DOP1B: variants seen among roughly 807,000 people sequenced by gnomAD.
The protein encoded by DOP1B is protein DOP1B.
Under a neutral mutation model 233.5 loss-of-function variants are expected in DOP1B, and 174 were observed. The observed-to-expected ratio is 0.75, with a 90% CI of 0.66 to 0.85. The LOEUF is 0.85. Among genes scored for constraint, DOP1B ranks in the 40% least tolerant of loss-of-function variants. The pLI is 0.00. For synonymous variants in DOP1B, 1,190 were observed against 1,185.6 expected, an observed-to-expected ratio of 1.00 and a Z score of -0.08; for missense variants, 2,652 against 2,846.6, an observed-to-expected ratio of 0.93 and a Z score of 1.56.
At chr21:36,261,842 C>A in intron 24 of DOP1B, 1 of 552,806 alleles carries the variant, frequency 1.8e-6, no homozygotes, top group Non-Finnish European at 2.3e-6. Flanking sequence ...ACCCAGGAGG[C>A]AGAGGTTGCA....
chr21:36,214,275 T>C, intron 8 of DOP1B, 85 bp downstream of exon 8: 1 of 1,319,000 alleles, frequency 7.6e-7, no homozygotes, highest in Non-Finnish European at 1.1e-6. Context: ...ACATAGGCAG[T>C]GAGCACGTTC....
intron 13 of DOP1B, among the ~76,000 whole-genome samples, chr21:36,229,176 C>T (rs928717189): frequency 6.6e-5 from 10 of 152,074 alleles, no homozygotes; most frequent in Non-Finnish European, 1.3e-4. Context: ...AGATGAGGTA[C>T]TGGATTAGTT....
intron 21 of DOP1B, 78 bp downstream of exon 21, chr21:36,248,646 T>A: frequency 7.1e-7 from 1 of 1,406,428 alleles, no homozygotes; most frequent in Non-Finnish European, 9.5e-7. Context: ...TATAGGAAAG[T>A]GTGCATGATA....
intron 36 of DOP1B, 70 bp from the exon 37 acceptor site, chr21:36,293,250 C>T: frequency 3.3e-6 from 5 of 1,527,228 alleles, no homozygotes; most frequent in Non-Finnish European, 4.4e-6. Flanking sequence ...TTGCCACATG[C>T]ATGTGCTTCC....
chr21:36,231,020 C>G lies in DOP1B; in HGVS notation c.2236C>G (p.Arg746Gly), dbSNP rs749264993. 3.4e-5 allele frequency: 55 copies of G among 1,614,118 alleles called. No homozygotes were observed. The highest frequency in any genetic ancestry group is 4.5e-5 in the Non-Finnish European group (53 of 1,180,034). Residue 746 changes from arginine to glycine, a missense_variant, in exon 14 of 37, where the codon CGC (arginine) becomes GGC (glycine). Transcript: ENST00000691173. ...VIDLGGSREE[R>G]REAFAAACHL... is the part of the protein sequence containing the mutation. ...TGACCTGGGGGGTTCCAGGGAGGAACGCAGGGAGGCCTTTGCCGCCGCCTG... is the reference window on the plus strand; with the variant it reads ...TGACCTGGGGGGTTCCAGGGAGGAAGGCAGGGAGGCCTTTGCCGCCGCCTG...
chr21:36,275,091 C>T (rs554827736), intron 27 of DOP1B, among the ~76,000 whole-genome samples: 132 of 152,008 alleles, frequency 8.7e-4, no homozygotes, highest in Non-Finnish European at 1.1e-3. Context: ...GCGATCTGCC[C>T]GCCTTGGCCT....
intron 36 of DOP1B, 97 bp from the exon 37 acceptor site, chr21:36,293,223 A>G: frequency 2.4e-6 from 3 of 1,244,398 alleles, no homozygotes; most frequent in Non-Finnish European, 3.3e-6. Context: ...AAAAAAAAGG[A>G]CCTTATTTCT....
chr21:36,214,870 A>G (rs1048150119), intron 9 of DOP1B, among the ~76,000 whole-genome samples: 7 of 152,072 alleles, frequency 4.6e-5, no homozygotes, highest in Non-Finnish European at 7.3e-5. Flanking sequence ...GAAAAACCCC[A>G]TCTCTATAAA....
At chr21:36,207,704 C>G (rs2066445588) in intron 4 of DOP1B, among the ~76,000 whole-genome samples, 1 of 152,106 alleles carries the variant, frequency 6.6e-6, no homozygotes, top group African/African-American at 2.4e-5. Flanking sequence ...CCAACACATT[C>G]CACCGGGTTG....
In DOP1B at chr21:36,157,526, T is replaced by TA. The variant is rs994042741; in HGVS notation, c.-27+584dup. 3.3e-5 allele frequency among the ~76,000 whole-genome samples: 5 copies of TA among 152,352 alleles called. No homozygotes were observed. In the East Asian group the frequency reaches 9.6e-4, roughly 29 times the overall value. On this transcript the variant is annotated intron_variant, in intron 1 of 36. Transcript: ENST00000691173. ...GTTCCCGGCTGCTCGCGGGGACTGTTACCCGCAGTGTTGCCTTACACTCGC... is the reference window on the plus strand; with the variant it reads ...GTTCCCGGCTGCTCGCGGGGACTGTTAACCCGCAGTGTTGCCTTACACTCGC...
chr21:36,248,440 C>G lies in DOP1B; in HGVS notation c.4870C>G (p.Leu1624Val). Residue 1624 changes from leucine (L) to valine (V), a missense_variant, in exon 21 of 37, where the codon CTG becomes GTG. Coordinates refer to ENST00000691173, the MANE Select transcript of DOP1B (RefSeq NM_001320714.2). The part of the protein sequence containing the change: ...RNARNAILEE[L>V]PRTVNTMALL... ...TGCCAGAAATGCCATTTTGGAAGAG[C>G]TGCCTCGAACTGTTAACACCATGGC... 6.2e-7 allele frequency: 1 copy of G among 1,613,924 alleles called. No individual in the cohort carries two copies. Among genetic ancestry groups the G allele is most frequent in the Non-Finnish European group, 8.5e-7 (1 of 1,179,876 alleles).
rs1445825024 is a variant in DOP1B at position 36,246,317 on chromosome 21, A to G, written c.4337A>G (p.Gln1446Arg). Residue 1446 changes from glutamine to arginine, a missense_variant, in exon 19 of 37, where the codon CAG becomes CGG. Around this residue, in one of 3 missense-constraint regions of DOP1B, gnomAD observed 2,617 missense variants for 2,794.3 expected, o/e 0.94. Transcript: ENST00000691173. The surrounding 1 kb of genome is among the most constrained non-coding windows in gnomAD (Gnocchi z 5.1). ...CAGATTGAGCTGCTGAAGCTGCTGC[A>G]GGTGCTGATTGTCTTGGAACACCAC... ...PLQIELLKLL[Q>R]VLIVLEHHLG... 6.2e-7 allele frequency: 1 copy of G among 1,613,974 alleles called. No homozygotes were observed. Among genetic ancestry groups the G allele is most frequent in the Non-Finnish European group, 8.5e-7 (1 of 1,180,024 alleles).
At chr21:36,260,567 G>C (rs1234882808) in intron 23 of DOP1B, 110 bp from the exon 24 acceptor site, 1 of 1,438,896 alleles carries the variant, frequency 6.9e-7, no homozygotes, top group Non-Finnish European at 9.5e-7. Context: ...AGATTCTTTA[G>C]TCAAAAACCT....
At position 36,246,325 on chromosome 21, in the gene DOP1B, A is replaced by C. The variant is rs1445772570; in HGVS notation, c.4345A>C (p.Ile1449Leu). ...GCTGCTGAAGCTGCTGCAGGTGCTG[A>C]TTGTCTTGGAACACCACCTGGGTCG... ...IELLKLLQVL[I>L]VLEHHLGRAH... The change falls in exon 19 of 37, where the codon ATT (isoleucine) becomes CTT (leucine). Residue 1449 changes from isoleucine (I) to leucine (L), a missense_variant. Ile to Leu is a conservative substitution (Grantham distance 5, BLOSUM62 2). Coordinates refer to ENST00000691173, the MANE Select transcript of DOP1B (RefSeq NM_001320714.2). This position sits in a 1 kb window ranked among gnomAD's most constrained non-coding sequence, Gnocchi z 5.1. The C allele has an allele frequency of 5.6e-6, 9 of 1,613,838 alleles. No individual in the cohort carries two copies. The highest frequency in any genetic ancestry group is 3.3e-5 in the Admixed American group (2 of 59,998).
At chr21:36,180,039 C>G (rs547302015) in intron 2 of DOP1B, among the ~76,000 whole-genome samples, 55 of 152,176 alleles carry the variant, frequency 3.6e-4, no homozygotes, top group African/African-American at 1.3e-3. Context: ...ATGTGTTTAT[C>G]TAGCAGGACC....
At chr21:36,213,942 G>A (rs1415563998) in intron 7 of DOP1B, 139 bp from the exon 8 acceptor site, 5 of 659,200 alleles carry the variant, frequency 7.6e-6, no homozygotes, top group East Asian at 2.7e-5. Flanking sequence ...AAAATCTGAC[G>A]TGGTCTTTCT....
chr21:36,246,168 C>T lies in DOP1B; in HGVS notation c.4188C>T (p.Tyr1396=), dbSNP rs1315191850. ...FVLLSLSASM[Y]TSQKRYGLAT... ...TGCTCTCCCTGTCGGCGTCCATGTA[C>T]ACGAGCCAGAAGCGCTACGGGCTGG... The change falls in exon 19 of 37, where the codon TAC becomes TAT. Residue 1396 remains tyrosine, a synonymous_variant. Coordinates refer to ENST00000691173, the MANE Select transcript of DOP1B (RefSeq NM_001320714.2). This position sits in a 1 kb window ranked among gnomAD's most constrained non-coding sequence, Gnocchi z 5.1. 1 of 1,613,602 alleles carries T rather than the reference C, an allele frequency of 6.2e-7. No homozygotes were observed. Among genetic ancestry groups the T allele is most frequent in the East Asian group, 2.2e-5 (1 of 44,892 alleles).
At chr21:36,183,426 T>C (rs2066124709) in intron 2 of DOP1B, among the ~76,000 whole-genome samples, 1 of 152,230 alleles carries the variant, frequency 6.6e-6, no homozygotes, top group Non-Finnish European at 1.5e-5. Flanking sequence ...GCCACACATG[T>C]CCTAGCTGAG....
chr21:36,246,766 G>A lies in DOP1B; in HGVS notation c.4697+89G>A. 1 of 1,485,672 alleles carries A rather than the reference G, an allele frequency of 6.7e-7. No individual in the cohort carries two copies. The highest frequency in any genetic ancestry group is 1.3e-5 in the South Asian group (1 of 75,956). 92.0% of individuals were successfully genotyped at this position (1,485,672 alleles called of 1,614,324 possible). A position where few individuals can be genotyped will look rare whatever the true frequency, so the allele number is the denominator to read the frequency against. Reference sequence around the variant, plus strand: ...TTTGCCACGGATGTGGATGTCGGTTGGAGGATAATTTCATCCCAATGAGAA... The same window carrying A: ...TTTGCCACGGATGTGGATGTCGGTTAGAGGATAATTTCATCCCAATGAGAA... On this transcript the variant is annotated intron_variant, in intron 19 of 36. Transcript: ENST00000691173. The surrounding 1 kb of genome is among the most constrained non-coding windows in gnomAD (Gnocchi z 5.1).
Sources: allele counts gnomAD v4.1 joint callset (sites outside exome capture counted in the v4.1 genomes callset), GRCh38; gene constraint gnomAD v4.1.1; regional missense constraint gnomAD v4.1.1; non-coding constraint Gnocchi (gnomAD v3.1); transcripts MANE v1.5; gene names NCBI Gene and HGNC (gene_info 2026-07-23, HGNC 2026-07-21).